Variants in GALNTL6 observed in about 807,000 individuals in gnomAD.
GALNTL6 encodes polypeptide N-acetylgalactosaminyltransferase like 6.
Under a neutral mutation model 73.7 loss-of-function variants are expected in GALNTL6, and 46 were observed. The observed-to-expected ratio is 0.62, with a 90% CI of 0.49 to 0.80. The LOEUF (loss-of-function observed/expected upper bound fraction) is 0.80, where lower values mean the gene tolerates loss of function less well. GALNTL6 is among the 30% of genes least tolerant of loss of function. The pLI is 0.00. For synonymous variants in GALNTL6, 259 were observed against 263.7 expected, an observed-to-expected ratio of 0.98 and a Z score of 0.17; for missense variants, 604 against 755.0, an observed-to-expected ratio of 0.80 and a Z score of 2.34.
At chr4:172,576,879 C>T (rs1489961431) in intron 5 of GALNTL6, among the ~76,000 whole-genome samples, 2 of 152,130 alleles carry the variant, frequency 1.3e-5, no homozygotes, top group African/African-American at 2.4e-5. Flanking sequence ...GTTGTCAATA[C>T]GGGTTGTGCA....
At chr4:172,492,489 G>A (rs1016992850) in intron 5 of GALNTL6, among the ~76,000 whole-genome samples, 2 of 152,046 alleles carry the variant, frequency 1.3e-5, no homozygotes, top group African/African-American at 4.8e-5. Flanking sequence ...AAAAATGTTG[G>A]CAATTTGAAG....
At chr4:172,536,150 A>G (rs1735338551) in intron 5 of GALNTL6, among the ~76,000 whole-genome samples, 1 of 152,102 alleles carries the variant, frequency 6.6e-6, no homozygotes, top group Non-Finnish European at 1.5e-5. Flanking sequence ...TCCCATTACT[A>G]TGATGCCTCC....
chr4:172,772,507 T>A (rs1738829512), intron 5 of GALNTL6, among the ~76,000 whole-genome samples: 2 of 152,340 alleles, frequency 1.3e-5, no homozygotes, highest in Admixed American at 1.3e-4. Flanking sequence ...TATGTTTCCG[T>A]GGCTCAGGAG....
intron 5 of GALNTL6, among the ~76,000 whole-genome samples, chr4:172,366,846 T>C (rs1188064768): frequency 6.6e-6 from 1 of 152,218 alleles, no homozygotes; most frequent in Non-Finnish European, 1.5e-5. Flanking sequence ...ATAATAATGC[T>C]ACCAGCATTC....
At chr4:172,901,646 T>A (rs1444827758) in intron 8 of GALNTL6, among the ~76,000 whole-genome samples, 7 of 152,174 alleles carry the variant, frequency 4.6e-5, no homozygotes, top group Non-Finnish European at 8.8e-5. Context: ...TTCACTAAAG[T>A]GTATGACAAA....
chr4:172,546,819 C>CATATATACAT (rs141722040), intron 5 of GALNTL6, among the ~76,000 whole-genome samples: 2 of 6,814 alleles, frequency 2.9e-4, no homozygotes, highest in African/African-American at 1.4e-3. Flanking sequence ...TATATATATA[C>CATATATACAT]GTATATGTAT....
intron 7 of GALNTL6, among the ~76,000 whole-genome samples, chr4:172,814,795 C>A (rs1200183813): frequency 1.3e-5 from 2 of 152,178 alleles, no homozygotes; most frequent in African/African-American, 2.4e-5. Context: ...GAAAAATGAA[C>A]TCCTGGGGAA....
At chr4:172,947,959 A>G (rs1293696801) in intron 9 of GALNTL6, among the ~76,000 whole-genome samples, 1 of 152,218 alleles carries the variant, frequency 6.6e-6, no homozygotes, top group Non-Finnish European at 1.5e-5. Context: ...CAGCTGTGGT[A>G]CCAATGTTTT....
chr4:172,314,139 A>G (rs953000411), intron 4 of GALNTL6, among the ~76,000 whole-genome samples: 2 of 152,216 alleles, frequency 1.3e-5, no homozygotes, highest in African/African-American at 4.8e-5. Context: ...CTTGTGACAT[A>G]TTTCAGTATT....
intron 3 of GALNTL6, among the ~76,000 whole-genome samples, chr4:172,300,674 C>T (rs1739878333): frequency 6.6e-6 from 1 of 152,268 alleles, no homozygotes; most frequent in African/African-American, 2.4e-5. Context: ...AAAATTCTTT[C>T]TTTAAGAATG....
chr4:172,061,484 G>T (rs180837270), intron 2 of GALNTL6, among the ~76,000 whole-genome samples: 6 of 152,166 alleles, frequency 3.9e-5, no homozygotes, highest in African/African-American at 1.4e-4. Flanking sequence ...TGAAAGAAAA[G>T]AACTGTTTTG....
intron 7 of GALNTL6, among the ~76,000 whole-genome samples, chr4:172,872,382 A>C (rs999166781): frequency 9.9e-5 from 15 of 152,188 alleles, no homozygotes; most frequent in Non-Finnish European, 1.5e-4. Flanking sequence ...ATTAGGACAA[A>C]TTAGTAGAAG....
intron 2 of GALNTL6, among the ~76,000 whole-genome samples, chr4:171,937,331 A>G (rs990053549): frequency 6.6e-6 from 1 of 152,118 alleles, no homozygotes; most frequent in African/African-American, 2.4e-5. Context: ...TTTTCCAATT[A>G]TGTAAGTCTG....
At chr4:172,297,993 G>A (rs1423115248) in intron 3 of GALNTL6, among the ~76,000 whole-genome samples, 2 of 152,162 alleles carry the variant, frequency 1.3e-5, no homozygotes, top group African/African-American at 2.4e-5. Flanking sequence ...AGCATGGAAT[G>A]TTCTTCCATT....
chr4:172,329,515 G>T (rs1382671779), intron 4 of GALNTL6, among the ~76,000 whole-genome samples: 1 of 152,098 alleles, frequency 6.6e-6, no homozygotes, highest in Non-Finnish European at 1.5e-5. Flanking sequence ...CTTCTTCTGG[G>T]TGTTCATCCC....
chr4:172,148,584 CTATT>C (rs1410586335), intron 2 of GALNTL6, among the ~76,000 whole-genome samples: 1 of 152,194 alleles, frequency 6.6e-6, no homozygotes, highest in African/African-American at 2.4e-5. Flanking sequence ...AGTATGTCAA[CTATT>C]TATATGTTTC....
At chr4:172,999,072 T>G (rs148520305) in intron 10 of GALNTL6, among the ~76,000 whole-genome samples, 1 of 149,302 alleles carries the variant, frequency 6.7e-6, no homozygotes, top group Non-Finnish European at 1.5e-5. Context: ...CAAAAAACAA[T>G]AACTATCATT....
At chr4:172,242,800 CATAAGG>C (rs1737491972) in intron 3 of GALNTL6, among the ~76,000 whole-genome samples, 1 of 152,160 alleles carries the variant, frequency 6.6e-6, no homozygotes, top group African/African-American at 2.4e-5. Flanking sequence ...TCTTGAAAAG[CATAAGG>C]CATTGTAGGA....
At chr4:173,004,920 AAGACCTAAGGCTACC>A (rs1425789002) in intron 10 of GALNTL6, among the ~76,000 whole-genome samples, 1 of 152,146 alleles carries the variant, frequency 6.6e-6, no homozygotes, top group Non-Finnish European at 1.5e-5. Flanking sequence ...TCTTACTTAA[AAGACCTAAGGCTACC>A]AGGAGGAATT....
Sources: allele counts gnomAD v4.1 joint callset (sites outside exome capture counted in the v4.1 genomes callset), GRCh38; gene constraint gnomAD v4.1.1; transcripts MANE v1.5; gene names NCBI Gene and HGNC (gene_info 2026-07-23, HGNC 2026-07-21).